Variants in MBTPS1 observed in about 807,000 individuals in gnomAD.
MBTPS1 encodes the protein membrane-bound transcription factor site-1 protease.
A neutral mutation model predicts 127.8 loss-of-function variants in MBTPS1; 94 were observed. That is an observed-to-expected ratio of 0.74 (90% CI 0.62 to 0.87). The LOEUF is 0.87. Among genes scored for constraint, MBTPS1 ranks in the 40% least tolerant of loss-of-function variants. The probability of loss-of-function intolerance (pLI) is 0.00; values close to 1 mark genes in which losing one functional copy is unlikely to be tolerated. For missense variants in MBTPS1, 1,636 were observed against 1,353.2 expected (o/e 1.21, Z -3.28); for synonymous variants, 632 against 509.4 (o/e 1.24, Z -3.24).
intron 12 of MBTPS1, among the ~76,000 whole-genome samples, chr16:84,074,192 A>C (rs1597319495): frequency 6.6e-6 from 1 of 152,250 alleles, no homozygotes; most frequent in East Asian, 1.9e-4. Context: ...GCATATAACA[A>C]ATCACTACTT....
At position 84,101,684 on chromosome 16, in the gene MBTPS1, G is replaced by T; in HGVS notation, c.100C>A (p.Pro34Thr). Residue 34 changes from proline (P) to threonine (T), a missense_variant, in exon 2 of 23, where the codon CCA becomes ACA. Pro to Thr is a conservative substitution (Grantham distance 38). Coordinates refer to ENST00000343411, the MANE Select transcript of MBTPS1 (RefSeq NM_003791.4). ...RLEKKSFEKA[P>T]CPGCSHLTLK... ...GTCAGGTGGGAACAGCCAGGGCATGGGGCCTTTTCAAAAGATTTCTTTTCC... is the reference window on the plus strand; with the variant it reads ...GTCAGGTGGGAACAGCCAGGGCATGTGGCCTTTTCAAAAGATTTCTTTTCC... 1.2e-6 allele frequency: 2 copies of T among 1,614,116 alleles called. No individual in the cohort carries two copies. Among genetic ancestry groups the T allele is most frequent in the Middle Eastern group, 1.6e-4 (1 of 6,062 alleles).
chr16:84,093,603 T>A (rs889530302), intron 5 of MBTPS1, 108 bp downstream of exon 5: 79 of 832,668 alleles, frequency 9.5e-5, no homozygotes, highest in Non-Finnish European at 2.8e-5. Context: ...AAAAGCACAA[T>A]AACACCTTGG....
chr16:84,085,128 G>A lies in MBTPS1; in HGVS notation c.1141C>T (p.Pro381Ser). 2 of 1,614,106 alleles carry A rather than the reference G, an allele frequency of 1.2e-6. No homozygotes were observed. Among genetic ancestry groups the A allele is most frequent in the Non-Finnish European group, 1.7e-6 (2 of 1,180,002 alleles). ...GGTTTCATGCGACCGTAGCCTCCTG[G>A]TAGCTCCTATGAATAAAAGCAGCTT... ...SSRGMTTWEL[P>S]GGYGRMKPDI... Residue 381 changes from proline (P) to serine (S), a missense_variant, in exon 10 of 23, where the codon CCA (proline) becomes TCA (serine). Coordinates refer to ENST00000343411, the MANE Select transcript of MBTPS1 (RefSeq NM_003791.4).
intron 1 of MBTPS1, among the ~76,000 whole-genome samples, chr16:84,104,064 A>G (rs2086292242): frequency 6.6e-6 from 1 of 152,248 alleles, no homozygotes; most frequent in Admixed American, 6.5e-5. Flanking sequence ...TACATCCAGC[A>G]ATGGAGTACC....
rs2086122076 is a variant in MBTPS1 at position 84,092,390 on chromosome 16, T to C, written c.847-542A>G. 2.0e-5 allele frequency among the ~76,000 whole-genome samples: 3 copies of C among 152,336 alleles called. No individual in the cohort carries two copies. In the South Asian group the frequency reaches 6.2e-4, roughly 32 times the overall value. ...CTTTAGCTGTTGCTTTTTTAAAAAA[T>C]ATAAAATTAAGTTTATGGTAGGAAG... On this transcript the variant is annotated intron_variant, in intron 6 of 22. Coordinates refer to ENST00000343411, the MANE Select transcript of MBTPS1 (RefSeq NM_003791.4).
chr16:84,082,760 G>C (rs2085959969), intron 10 of MBTPS1, among the ~76,000 whole-genome samples: 1 of 152,168 alleles, frequency 6.6e-6, no homozygotes, highest in Admixed American at 6.5e-5. Flanking sequence ...AGGAGATAAA[G>C]TAGATTCTTA....
chr16:84,113,485 G>A (rs867689733), intron 1 of MBTPS1, among the ~76,000 whole-genome samples: 1 of 152,294 alleles, frequency 6.6e-6, no homozygotes, highest in East Asian at 1.9e-4. Context: ...TATTTAATGG[G>A]ATTTGAGTAG....
At chr16:84,081,438 T>G (rs1023504421) in intron 11 of MBTPS1, 4 of 184,230 alleles carry the variant, frequency 2.2e-5, no homozygotes, top group Admixed American at 6.2e-5. Flanking sequence ...TCTCTCCTAT[T>G]TCTGCAAAAT....
Position 84,101,956 on chromosome 16 carries a change from C to A in MBTPS1, c.-173G>T, listed in dbSNP as rs2086263383. 10 of 594,930 alleles carry A rather than the reference C, an allele frequency of 1.7e-5. No homozygotes were observed. The highest frequency in any genetic ancestry group is 9.5e-5 in the Admixed American group (3 of 31,692). 36.9% of individuals were successfully genotyped at this position (594,930 alleles called of 1,614,324 possible). On this transcript the variant is annotated 5_prime_UTR_variant, in exon 2 of 23. The change creates a new upstream start codon in the 5' untranslated region. Coordinates refer to ENST00000343411, the MANE Select transcript of MBTPS1 (RefSeq NM_003791.4). ...ATCCCATGGCCTTTTGTGGTTCAGC[C>A]TGAAGAGAGGCTTTCATTTCTTTCT...
Position 84,101,997 on chromosome 16 carries a change from C to T in MBTPS1, c.-214G>A. On this transcript the variant is annotated 5_prime_UTR_variant, in exon 2 of 23. Transcript: ENST00000343411. ...ATTTCTTTCTCCGCTTCTTCTCCATCTTGGAAATAAGGCTTCTCTCACTCA... is the reference window on the plus strand; with the variant it reads ...ATTTCTTTCTCCGCTTCTTCTCCATTTTGGAAATAAGGCTTCTCTCACTCA... The T allele has an allele frequency of 1.9e-6, 1 of 532,892 alleles. No individual in the cohort carries two copies. Among genetic ancestry groups the T allele is most frequent in the Non-Finnish European group, 3.3e-6 (1 of 298,542 alleles). 33.0% of individuals were successfully genotyped at this position (532,892 alleles called of 1,614,324 possible). A position where few individuals can be genotyped will look rare whatever the true frequency, so the allele number is the denominator to read the frequency against.
At chr16:84,062,805 C>A (rs922204586) in intron 19 of MBTPS1, among the ~76,000 whole-genome samples, 1 of 152,208 alleles carries the variant, frequency 6.6e-6, no homozygotes, top group Non-Finnish European at 1.5e-5. Flanking sequence ...CTCCCCTTCA[C>A]GCCTCGAGAT....
At chr16:84,096,753 C>T (rs2086184431) in intron 3 of MBTPS1, among the ~76,000 whole-genome samples, 1 of 152,178 alleles carries the variant, frequency 6.6e-6, no homozygotes, top group African/African-American at 2.4e-5. Flanking sequence ...AATATTTGCA[C>T]AGTCCAACTG....
At chr16:84,058,613 G>A (rs2085556493) in intron 21 of MBTPS1, among the ~76,000 whole-genome samples, 1 of 152,214 alleles carries the variant, frequency 6.6e-6, no homozygotes, top group African/African-American at 2.4e-5. Flanking sequence ...CACAGAAAAA[G>A]TAAGGGGGTG....
intron 9 of MBTPS1, among the ~76,000 whole-genome samples, chr16:84,087,069 T>C (rs1219031433): frequency 2.0e-5 from 3 of 151,948 alleles, no homozygotes; most frequent in South Asian, 4.2e-4. Context: ...CACCTAAAGG[T>C]GAGTTCCTCA....
intron 10 of MBTPS1, among the ~76,000 whole-genome samples, chr16:84,082,621 T>C (rs2085958188): frequency 6.6e-6 from 1 of 152,294 alleles, no homozygotes; most frequent in African/African-American, 2.4e-5. Flanking sequence ...ATTCCTAAAA[T>C]TGAGGTGGGA....
At chr16:84,087,933 G>A (rs1193622160) in intron 8 of MBTPS1, among the ~76,000 whole-genome samples, 1 of 152,134 alleles carries the variant, frequency 6.6e-6, no homozygotes, top group African/African-American at 2.4e-5. Context: ...ATTTACATCT[G>A]CCAAGGTCAG....
In MBTPS1 at chr16:84,103,256, AT is replaced by A. The variant is rs1345813573; in HGVS notation, c.-324-1150del. On this transcript the variant is annotated intron_variant, in intron 1 of 22. Transcript: ENST00000343411. ...TACTTAGGATTTTATTATTATTATT[AT>A]TTTTTTTTTTTTTTTGAGGAAGGGT... is the stretch of plus-strand genomic sequence containing the variant. Among the ~76,000 whole-genome samples, 661 of 137,488 alleles carry A rather than the reference AT, an allele frequency of 4.8e-3. 1 individual carries two copies. The highest frequency in any genetic ancestry group is 0.013 in the African/African-American group (474 of 36,176). The allele number at this position is 137,488 out of a possible 152,430, so 90.2% of individuals were successfully genotyped here.
chr16:84,066,900 G>A (rs2085692727), intron 16 of MBTPS1, among the ~76,000 whole-genome samples: 1 of 152,174 alleles, frequency 6.6e-6, no homozygotes, highest in Non-Finnish European at 1.5e-5. Context: ...AAGGTTCAGT[G>A]AAGGAGAAGG....
chr16:84,068,505 A>G (rs374867621), intron 14 of MBTPS1, 51 bp from the exon 15 acceptor site: 1 of 1,309,860 alleles, frequency 7.6e-7, no homozygotes, highest in Non-Finnish European at 1.1e-6. Flanking sequence ...TACTGGCAAT[A>G]AAGGCATATC....
Sources: gnomAD v4.1 joint callset for allele counts (sites outside exome capture counted in the v4.1 genomes callset) on GRCh38, gnomAD v4.1.1 for gene constraint, MANE v1.5 for transcripts, NCBI Gene and HGNC (gene_info 2026-07-23, HGNC 2026-07-21) for gene names.